Variants in ADGRB3 observed in about 807,000 individuals in gnomAD.
ADGRB3 encodes brain-specific angiogenesis inhibitor 3.
A neutral mutation model predicts 193.4 loss-of-function variants in ADGRB3; 37 were observed. That is an observed-to-expected ratio of 0.19 (90% confidence interval 0.15 to 0.25). The LOEUF (loss-of-function observed/expected upper bound fraction) is 0.25, where lower values mean the gene tolerates loss of function less well. Among genes scored for constraint, ADGRB3 ranks in the 10% least tolerant of loss-of-function variants. The pLI, the probability that ADGRB3 is intolerant of heterozygous loss-of-function variation, is 1.00. For synonymous variants in ADGRB3, 690 were observed against 644.2 expected (o/e 1.07, Z -1.08); for missense variants, 1,637 against 1,852.9 (o/e 0.88, Z 2.14).
intron 3 of ADGRB3, among the ~76,000 whole-genome samples, chr6:68,788,753 G>A (rs182913120): frequency 0.011 from 1,616 of 152,264 alleles, 15 homozygotes; most frequent in Non-Finnish European, 0.018. Flanking sequence ...TGACAATGGG[G>A]TGTTAAAGTC....
intron 20 of ADGRB3, among the ~76,000 whole-genome samples, chr6:69,252,726 A>G (rs1338616104): frequency 1.3e-5 from 2 of 151,836 alleles, no homozygotes; most frequent in Non-Finnish European, 2.9e-5. Flanking sequence ...GTAATTTATA[A>G]TTTTTCCTAT....
chr6:69,101,867 G>A (rs1328564520), intron 17 of ADGRB3, among the ~76,000 whole-genome samples: 1 of 152,040 alleles, frequency 6.6e-6, no homozygotes, highest in African/African-American at 2.4e-5. Context: ...AGTCTATTCT[G>A]GCATGAATAC....
chr6:69,279,103 A>ATATATC (rs1217002512), intron 20 of ADGRB3, among the ~76,000 whole-genome samples: 13 of 134,776 alleles, frequency 9.6e-5, no homozygotes, highest in Non-Finnish European at 2.1e-4. Context: ...ATATATATAT[A>ATATATC]TATATATATA....
chr6:69,324,679 T>C (rs1239666623), intron 20 of ADGRB3, among the ~76,000 whole-genome samples, 193 bp from the exon 21 acceptor site: 1 of 152,194 alleles, frequency 6.6e-6, no homozygotes, highest in Non-Finnish European at 1.5e-5. Flanking sequence ...ACTTTTTTTT[T>C]CCATTGTAAA....
At chr6:69,068,239 G>A (rs934969336) in intron 16 of ADGRB3, among the ~76,000 whole-genome samples, 3 of 152,260 alleles carry the variant, frequency 2.0e-5, no homozygotes, top group Admixed American at 6.5e-5. Context: ...AGGGATGTTT[G>A]TGTGAGTACA....
chr6:68,665,029 C>T (rs1768766178), intron 3 of ADGRB3, among the ~76,000 whole-genome samples: 1 of 151,780 alleles, frequency 6.6e-6, no homozygotes, highest in Non-Finnish European at 1.5e-5. Flanking sequence ...GTCACGAGAT[C>T]TCTCCCCTCC....
intron 3 of ADGRB3, among the ~76,000 whole-genome samples, chr6:68,808,268 A>T (rs958716514): frequency 6.6e-6 from 1 of 152,260 alleles, no homozygotes; most frequent in African/African-American, 2.4e-5. Context: ...TATCATCATC[A>T]TGTTTTGGTA....
intron 3 of ADGRB3, among the ~76,000 whole-genome samples, chr6:68,849,525 T>G (rs947734244): frequency 6.6e-6 from 1 of 151,976 alleles, no homozygotes; most frequent in African/African-American, 2.4e-5. Context: ...TTTAACACAC[T>G]TGCTTCCAAT....
At chr6:69,046,938 A>G (rs1424951196) in intron 13 of ADGRB3, among the ~76,000 whole-genome samples, 2 of 152,098 alleles carry the variant, frequency 1.3e-5, no homozygotes, top group Non-Finnish European at 1.5e-5. Flanking sequence ...GCTCACTGCA[A>G]GCTCCACCTC....
intron 3 of ADGRB3, among the ~76,000 whole-genome samples, chr6:68,684,720 G>T (rs1764952078): frequency 6.6e-6 from 1 of 151,944 alleles, no homozygotes; most frequent in African/African-American, 2.4e-5. Flanking sequence ...ATGTGTTTAT[G>T]ATATACTAGC....
chr6:68,863,952 G>A (rs1450084870), intron 3 of ADGRB3, among the ~76,000 whole-genome samples: 1 of 152,084 alleles, frequency 6.6e-6, no homozygotes, highest in African/African-American at 2.4e-5. Context: ...AGATCTCTCT[G>A]CTATTGGAGT....
intron 3 of ADGRB3, among the ~76,000 whole-genome samples, chr6:68,720,412 G>T (rs942939928): frequency 5.3e-5 from 8 of 151,514 alleles, no homozygotes; most frequent in Non-Finnish European, 1.2e-4. Context: ...GACTAACCTT[G>T]GGCTTTTTAA....
At chr6:68,982,714 C>A (rs2150269547) in intron 10 of ADGRB3, among the ~76,000 whole-genome samples, 1 of 152,194 alleles carries the variant, frequency 6.6e-6, no homozygotes, top group East Asian at 1.9e-4. Context: ...TTACACAGGG[C>A]AGAAGCTCAG....
intron 20 of ADGRB3, among the ~76,000 whole-genome samples, chr6:69,271,410 A>T (rs1767174900): frequency 6.6e-6 from 1 of 152,214 alleles, no homozygotes; most frequent in Non-Finnish European, 1.5e-5. Context: ...ATGATAAGAT[A>T]GTTTCATAAA....
intron 3 of ADGRB3, among the ~76,000 whole-genome samples, chr6:68,797,107 A>G (rs1173702218): frequency 6.6e-6 from 1 of 152,160 alleles, no homozygotes; most frequent in Non-Finnish European, 1.5e-5. Flanking sequence ...AGGAGCCATG[A>G]TGAAAATTCC....
chr6:69,018,620 A>G (rs1367234080), intron 13 of ADGRB3, 121 bp downstream of exon 13: 1 of 616,460 alleles, frequency 1.6e-6, no homozygotes, highest in Non-Finnish European at 2.8e-6. Context: ...GTGAGCAAAT[A>G]TATTTCTAAT....
chr6:68,772,894 A>AAAATATATAT (rs1466813173), intron 3 of ADGRB3, among the ~76,000 whole-genome samples: 6 of 22,860 alleles, frequency 2.6e-4, no homozygotes, highest in African/African-American at 1.2e-3. Context: ...AAAAAAAAAA[A>AAAATATATAT]ATATATATAT....
At chr6:69,383,499 T>G (rs542372948) in intron 31 of ADGRB3, among the ~76,000 whole-genome samples, 38 of 152,074 alleles carry the variant, frequency 2.5e-4, no homozygotes, top group Middle Eastern at 3.4e-3. Context: ...TAAAATAACT[T>G]TGTACAATTA....
At chr6:68,968,368 T>A (rs992534192) in intron 8 of ADGRB3, among the ~76,000 whole-genome samples, 1 of 152,164 alleles carries the variant, frequency 6.6e-6, no homozygotes, top group African/African-American at 2.4e-5. Flanking sequence ...AACTTTCTGA[T>A]ACCCCGACAG....
Sources: allele counts gnomAD v4.1 joint callset (sites outside exome capture counted in the v4.1 genomes callset), GRCh38; gene constraint gnomAD v4.1.1; transcripts MANE v1.5; gene names NCBI Gene and HGNC (gene_info 2026-07-23, HGNC 2026-07-21).